Variants in PTBP2 observed in about 807,000 individuals in gnomAD.
PTBP2 encodes the protein polypyrimidine tract-binding protein 2.
A neutral mutation model predicts 61.4 loss-of-function variants in PTBP2; 13 were observed. That is an observed-to-expected ratio of 0.21 (90% confidence interval 0.14 to 0.34). PTBP2 has a LOEUF of 0.34. Among genes scored for constraint, PTBP2 ranks in the 10% least tolerant of loss-of-function variants. The pLI is 1.00. For synonymous variants in PTBP2, 215 were observed against 218.5 expected (o/e 0.98, Z 0.14); for missense variants, 405 against 642.6 (o/e 0.63, Z 4.00).
At position 96,769,120 on chromosome 1, in the gene PTBP2, A is replaced by G. The variant is rs148015644; in HGVS notation, c.116-583A>G. 6.1e-4 allele frequency among the ~76,000 whole-genome samples: 93 copies of G among 152,176 alleles called. 1 individual carries two copies. The highest frequency in any genetic ancestry group is 3.4e-3 in the Middle Eastern group (1 of 292). On this transcript the variant is annotated intron_variant, in intron 3 of 13. Coordinates refer to ENST00000674951, the MANE Select transcript of PTBP2 (RefSeq NM_021190.4). The stretch of plus-strand genomic sequence containing the variant: ...AAATGCATTGTTAGGTAATTTTGTC[A>G]CTGCATAAATGTCATAGAGTACATT...
intron 3 of PTBP2, among the ~76,000 whole-genome samples, chr1:96,758,972 T>A (rs1169392222): frequency 2.0e-5 from 3 of 152,178 alleles, no homozygotes; most frequent in African/African-American, 7.2e-5. Context: ...ATACAAGTTC[T>A]ATGTACAGAA....
chr1:96,779,536 G>A (rs957209753), intron 7 of PTBP2, among the ~76,000 whole-genome samples: 7 of 152,026 alleles, frequency 4.6e-5, no homozygotes, highest in African/African-American at 1.7e-4. Context: ...TGTGTCAACT[G>A]TTTGACATTT....
chr1:96,743,717 T>A (rs923671609), intron 2 of PTBP2, among the ~76,000 whole-genome samples: 5 of 152,190 alleles, frequency 3.3e-5, no homozygotes, highest in African/African-American at 1.2e-4. Flanking sequence ...ATGAGTTCCT[T>A]TTTGTTGCTG....
chr1:96,785,955 A>G (rs948383387), intron 8 of PTBP2, among the ~76,000 whole-genome samples: 2 of 152,178 alleles, frequency 1.3e-5, no homozygotes, highest in African/African-American at 4.8e-5. Context: ...CTTTGTAAGT[A>G]AAATGTGCAA....
At chr1:96,754,420 T>C (rs899956937) in intron 3 of PTBP2, among the ~76,000 whole-genome samples, 1 of 152,202 alleles carries the variant, frequency 6.6e-6, no homozygotes, top group African/African-American at 2.4e-5. Context: ...TGAAGATAAA[T>C]GGAATTCTTC....
rs1459463124 is a variant in PTBP2 at position 96,729,120 on chromosome 1, C to G, written c.39+5526C>G. Among the ~76,000 whole-genome samples the G allele has an allele frequency of 3.3e-5, 5 of 152,162 alleles. No individual in the cohort carries two copies. In the East Asian group the frequency reaches 9.7e-4, roughly 29 times the overall value. ...TCACTGCAACCTGCACCTCCTGGGT[C>G]AAGCAATTCTCCTGCCTCAGCCTCA... On this transcript the variant is annotated intron_variant, in intron 2 of 13. Transcript: ENST00000674951.
chr1:96,765,615 G>C (rs1656592102), intron 3 of PTBP2, among the ~76,000 whole-genome samples: 1 of 151,960 alleles, frequency 6.6e-6, no homozygotes, highest in Non-Finnish European at 1.5e-5. Context: ...GGAGGCTGTG[G>C]CACGAGAATC....
intron 2 of PTBP2, among the ~76,000 whole-genome samples, chr1:96,739,889 G>T (rs1457925685): frequency 6.6e-6 from 1 of 151,968 alleles, no homozygotes; most frequent in African/African-American, 2.4e-5. Context: ...CTCCCAAAGT[G>T]CTGGGATTAC....
At chr1:96,739,093 A>G (rs182523217) in intron 2 of PTBP2, among the ~76,000 whole-genome samples, 219 of 152,300 alleles carry the variant, frequency 1.4e-3, no homozygotes, top group African/African-American at 5.1e-3. Flanking sequence ...GCTGGAGGGC[A>G]GTGTACCAAA....
At chr1:96,790,338 G>T (rs573048492) in intron 8 of PTBP2, among the ~76,000 whole-genome samples, 12 of 150,550 alleles carry the variant, frequency 8.0e-5, no homozygotes, top group African/African-American at 1.2e-4. Context: ...ATATCTGGTT[G>T]CCCCACTTTT....
intron 8 of PTBP2, among the ~76,000 whole-genome samples, chr1:96,786,230 T>C (rs1420680595): frequency 6.6e-6 from 1 of 152,104 alleles, no homozygotes; most frequent in African/African-American, 2.4e-5. Context: ...AATCTGTAAG[T>C]GGTATATATG....
At chr1:96,744,889 G>A (rs998510768) in intron 2 of PTBP2, among the ~76,000 whole-genome samples, 1 of 151,864 alleles carries the variant, frequency 6.6e-6, no homozygotes, top group Non-Finnish European at 1.5e-5. Flanking sequence ...TTATTTAAAC[G>A]TTCTGATTGT....
intron 2 of PTBP2, chr1:96,751,191 C>T: frequency 5.3e-6 from 3 of 563,778 alleles, no homozygotes; most frequent in African/African-American, 1.9e-5. Flanking sequence ...ATCACTTTTT[C>T]TATTTATTGT....
chr1:96,762,096 C>T (rs893549404), intron 3 of PTBP2, among the ~76,000 whole-genome samples: 1 of 151,088 alleles, frequency 6.6e-6, no homozygotes, highest in Non-Finnish European at 1.5e-5. Flanking sequence ...TTTCTTAGTA[C>T]AGAACAAAAT....
chr1:96,789,116 G>A lies in PTBP2; in HGVS notation c.904+3862G>A, dbSNP rs562188603. Among the ~76,000 whole-genome samples the A allele has an allele frequency of 5.9e-5, 9 of 152,080 alleles. No individual in the cohort carries two copies. The East Asian group carries it at 1.7e-3, about 29-fold the overall frequency. On this transcript the variant is annotated intron_variant, in intron 8 of 13. Transcript: ENST00000674951. ...ATCACTTTTAGAAAAATTGCTGGAA[G>A]TAATTTTTCATGATCATGTTATCTA...
chr1:96,751,885 A>T (rs1322312521), intron 3 of PTBP2, among the ~76,000 whole-genome samples: 2 of 151,990 alleles, frequency 1.3e-5, no homozygotes, highest in Non-Finnish European at 2.9e-5. Context: ...TTTAAGTAAA[A>T]ACCGAAGAAT....
chr1:96,741,178 A>T (rs1018529101), intron 2 of PTBP2, among the ~76,000 whole-genome samples: 1 of 151,828 alleles, frequency 6.6e-6, no homozygotes, highest in Non-Finnish European at 1.5e-5. Context: ...AAAAAAAAAA[A>T]CATTGATTCC....
chr1:96,767,871 G>A (rs1440877371), intron 3 of PTBP2, among the ~76,000 whole-genome samples: 1 of 152,112 alleles, frequency 6.6e-6, no homozygotes, highest in East Asian at 1.9e-4. Context: ...TATTTCTGGA[G>A]TGGTGAAGAG....
intron 2 of PTBP2, chr1:96,749,619 G>A: frequency 2.2e-6 from 1 of 455,426 alleles, no homozygotes; most frequent in Non-Finnish European, 4.4e-6. Context: ...TTTTGTATGT[G>A]GAGTAACTTG....
Sources: gnomAD v4.1 joint callset for allele counts (sites outside exome capture counted in the v4.1 genomes callset) on GRCh38, gnomAD v4.1.1 for gene constraint, MANE v1.5 for transcripts, NCBI Gene and HGNC (gene_info 2026-07-23, HGNC 2026-07-21) for gene names.